PIAS4: variants seen among roughly 807,000 people sequenced by gnomAD.
PIAS4 encodes the protein E3 SUMO-protein ligase PIAS4.
A neutral mutation model predicts 58.0 loss-of-function variants in PIAS4; 7 were observed. The observed-to-expected ratio is 0.12, with a 90% confidence interval of 0.07 to 0.23. PIAS4 has a LOEUF of 0.23. Ranked by LOEUF, PIAS4 falls within the 10% of genes least tolerant of loss-of-function variation. The pLI, the probability that PIAS4 is intolerant of heterozygous loss-of-function variation, is 1.00. For synonymous variants in PIAS4, 364 were observed against 312.4 expected, an observed-to-expected ratio of 1.17 and a Z score of -1.74; for missense variants, 550 against 709.5, an observed-to-expected ratio of 0.78 and a Z score of 2.55.
At chr19:4,033,238 C>T in intron 8 of PIAS4, 65 bp downstream of exon 8, 1 of 1,521,878 alleles carries the variant, frequency 6.6e-7, no homozygotes, top group Non-Finnish European at 9.0e-7. Flanking sequence ...CCTGGCGGCC[C>T]TGGGCCCGGG....
intron 1 of PIAS4, 115 bp downstream of exon 1, chr19:4,007,902 C>A: frequency 1.3e-6 from 1 of 772,842 alleles, no homozygotes; most frequent in Non-Finnish European, 1.7e-6. Context: ...CGGCCCGCGG[C>A]TCGCCGTCCC....
intron 1 of PIAS4, among the ~76,000 whole-genome samples, chr19:4,010,858 G>T (rs2039986090): frequency 6.6e-6 from 1 of 152,260 alleles, no homozygotes; most frequent in South Asian, 2.1e-4. Flanking sequence ...GATATGGGAA[G>T]AGGCTTCTCC....
At chr19:4,009,862 G>A (rs1437911531) in intron 1 of PIAS4, among the ~76,000 whole-genome samples, 4 of 152,196 alleles carry the variant, frequency 2.6e-5, no homozygotes, top group African/African-American at 9.7e-5. Flanking sequence ...CTTGAGGCCT[G>A]CAGGCGGGTT....
At chr19:4,010,665 G>T (rs1262664145) in intron 1 of PIAS4, among the ~76,000 whole-genome samples, 1 of 152,240 alleles carries the variant, frequency 6.6e-6, no homozygotes, top group African/African-American at 2.4e-5. Context: ...AGGGGCCGAT[G>T]CCAGTCCCAC....
intron 2 of PIAS4, among the ~76,000 whole-genome samples, chr19:4,023,682 A>T (rs371589087): frequency 6.6e-6 from 1 of 152,056 alleles, no homozygotes; most frequent in Non-Finnish European, 1.5e-5. Flanking sequence ...AGGAGAGAGG[A>T]GGTATGGCAG....
chr19:4,035,966 G>A (rs927491188), intron 9 of PIAS4, among the ~76,000 whole-genome samples: 1 of 132 alleles, frequency 7.6e-3, no homozygotes, highest in African/African-American at 0.019. Flanking sequence ...CACACATACA[G>A]TCCACACCGT....
chr19:4,012,905 G>A lies in PIAS4; in HGVS notation c.28-18G>A, dbSNP rs2040010433. The A allele has an allele frequency of 2.5e-6, 4 of 1,600,026 alleles. No individual in the cohort carries two copies. In the East Asian group the frequency reaches 6.7e-5, roughly 27 times the overall value. ...GCAGCTGTGTCCTCTGAGTGTGTGT[G>A]TGCTTGCTCCTCCTCAGAACATGGT... On this transcript the variant is annotated intron_variant, in intron 1 of 10. Coordinates refer to ENST00000262971, the MANE Select transcript of PIAS4 (RefSeq NM_015897.4).
intron 9 of PIAS4, among the ~76,000 whole-genome samples, chr19:4,036,379 TACAC>T (rs1167464438): frequency 1.8e-5 from 2 of 111,946 alleles, no homozygotes; most frequent in African/African-American, 6.1e-5. Flanking sequence ...CACACCGTCA[TACAC>T]ACACACGTCT....
At chr19:4,008,286 C>T (rs1394157415) in intron 1 of PIAS4, among the ~76,000 whole-genome samples, 2 of 152,106 alleles carry the variant, frequency 1.3e-5, no homozygotes, top group South Asian at 2.1e-4. Flanking sequence ...CTGGGGTTTG[C>T]GAGTCTCCTG....
chr19:4,036,530 C>T (rs973343646), intron 9 of PIAS4, among the ~76,000 whole-genome samples: 5 of 143,354 alleles, frequency 3.5e-5, no homozygotes, highest in Admixed American at 2.7e-4. Flanking sequence ...ACAGTCCACA[C>T]CTGTTACATG....
intron 2 of PIAS4, among the ~76,000 whole-genome samples, chr19:4,014,422 G>A (rs1270217696): frequency 6.6e-6 from 1 of 152,192 alleles, no homozygotes; most frequent in Non-Finnish European, 1.5e-5. Flanking sequence ...CAGAGAGAGT[G>A]TGCAGCCTCT....
chr19:4,017,240 TG>T (rs914976209), intron 2 of PIAS4, among the ~76,000 whole-genome samples: 3 of 152,098 alleles, frequency 2.0e-5, no homozygotes, highest in Non-Finnish European at 2.9e-5. Context: ...TGCTACCAGA[TG>T]GGGGGCTGCC....
In PIAS4 at chr19:4,028,152, G is replaced by A; in HGVS notation, c.546G>A (p.Leu182=). The A allele has an allele frequency of 1.9e-6, 3 of 1,613,426 alleles. No individual in the cohort carries two copies. The highest frequency in any genetic ancestry group is 1.3e-5 in the African/African-American group (1 of 74,982). The change falls in exon 4 of 11, where the codon CTG becomes CTA. Residue 182 remains leucine, a synonymous_variant. Transcript: ENST00000262971. ...QVELIRNSRE[L]QPGVKAVQVV... Reference sequence around the variant, plus strand: ...GTTTGCTCCACACCCACAGGGAACTGCAGCCCGGAGTTAAAGCCGTGCAGG... The same window carrying A: ...GTTTGCTCCACACCCACAGGGAACTACAGCCCGGAGTTAAAGCCGTGCAGG...
chr19:4,012,907 G>A lies in PIAS4; in HGVS notation c.28-16G>A. 3.1e-6 allele frequency: 5 copies of A among 1,601,358 alleles called. No individual in the cohort carries two copies. Among genetic ancestry groups the A allele is most frequent in the Non-Finnish European group, 4.3e-6 (5 of 1,171,678 alleles). Reference sequence around the variant, plus strand: ...AGCTGTGTCCTCTGAGTGTGTGTGTGCTTGCTCCTCCTCAGAACATGGTGA... The same window carrying A: ...AGCTGTGTCCTCTGAGTGTGTGTGTACTTGCTCCTCCTCAGAACATGGTGA... On this transcript the variant is annotated splice_polypyrimidine_tract_variant and intron_variant, in intron 1 of 10. Transcript: ENST00000262971.
chr19:4,013,087 C>G lies in PIAS4; in HGVS notation c.192C>G (p.Thr64=), dbSNP rs1691816834. ...LFKKIKELYE[T]RYAKKNSEPA... Reference sequence around the variant, plus strand: ...AGAAGATCAAGGAGCTGTACGAGACCCGCTACGCCAAGAAGAACTCGGAGC... The same window carrying G: ...AGAAGATCAAGGAGCTGTACGAGACGCGCTACGCCAAGAAGAACTCGGAGC... Residue 64 remains threonine, a synonymous_variant, in exon 2 of 11, where the codon ACC becomes ACG. Transcript: ENST00000262971. This position sits in a 1 kb window ranked among gnomAD's most constrained non-coding sequence, Gnocchi z 5.1. The G allele has an allele frequency of 7.4e-6, 12 of 1,613,462 alleles. No individual in the cohort carries two copies. The highest frequency in any genetic ancestry group is 1.0e-5 in the Non-Finnish European group (12 of 1,180,006).
chr19:4,012,236 G>A (rs1370793275), intron 1 of PIAS4, among the ~76,000 whole-genome samples: 1 of 151,974 alleles, frequency 6.6e-6, no homozygotes, highest in East Asian at 1.9e-4. Context: ...AGAGGGTAGT[G>A]TGGCAGCAAG....
intron 7 of PIAS4, among the ~76,000 whole-genome samples, chr19:4,031,912 C>T (rs780582254): frequency 8.5e-5 from 13 of 152,194 alleles, no homozygotes; most frequent in Non-Finnish European, 1.2e-4. Flanking sequence ...GCTTGAGGGT[C>T]CACCCGGGCA....
chr19:4,012,618 T>C (rs905225238), intron 1 of PIAS4, among the ~76,000 whole-genome samples: 1 of 152,176 alleles, frequency 6.6e-6, no homozygotes, highest in Non-Finnish European at 1.5e-5. Context: ...TGTCAGTTCC[T>C]GCCCTGGGGA....
chr19:4,025,379 C>A (rs560433329), intron 3 of PIAS4, among the ~76,000 whole-genome samples: 1 of 152,244 alleles, frequency 6.6e-6, no homozygotes, highest in Admixed American at 6.5e-5. Flanking sequence ...TGTACTGCCT[C>A]CAGCTGAGAC....
Sources: allele counts gnomAD v4.1 joint callset (sites outside exome capture counted in the v4.1 genomes callset), GRCh38; gene constraint gnomAD v4.1.1; non-coding constraint Gnocchi (gnomAD v3.1); transcripts MANE v1.5; gene names NCBI Gene and HGNC (gene_info 2026-07-23, HGNC 2026-07-21).